TMPRSS13: variants seen among roughly 807,000 people sequenced by gnomAD.
The protein encoded by TMPRSS13 is transmembrane protease serine 13.
In TMPRSS13, 50 loss-of-function variants were observed where a neutral mutation model predicts 68.4. The ratio of observed to expected loss-of-function variants is 0.73; its 90% confidence interval spans 0.58 to 0.93. The LOEUF is 0.93. Among genes scored for constraint, TMPRSS13 ranks in the 40% least tolerant of loss-of-function variants. The pLI is 0.00. For synonymous variants in TMPRSS13, 267 were observed against 285.8 expected (o/e 0.93, Z 0.66); for missense variants, 615 against 729.2 (o/e 0.84, Z 1.80).
chr11:117,918,174 T>C (rs1218475459), intron 2 of TMPRSS13, among the ~76,000 whole-genome samples: 1 of 152,130 alleles, frequency 6.6e-6, no homozygotes, highest in Admixed American at 6.5e-5. Flanking sequence ...AGCTGCTTTG[T>C]TAGTCCTGGC....
intron 11 of TMPRSS13, 23 bp downstream of exon 11, chr11:117,903,936 G>A: frequency 6.2e-7 from 1 of 1,608,052 alleles, no homozygotes. Flanking sequence ...TGGGACCTGA[G>A]CCCCACCCAC....
intron 7 of TMPRSS13, 165 bp downstream of exon 7, chr11:117,910,542 G>A: frequency 3.4e-6 from 2 of 596,792 alleles, no homozygotes; most frequent in South Asian, 2.6e-5. Context: ...TACCCTGGGT[G>A]TACCGGTGCC....
intron 3 of TMPRSS13, among the ~76,000 whole-genome samples, chr11:117,916,592 T>C (rs2134904184): frequency 6.6e-6 from 1 of 152,364 alleles, no homozygotes. Context: ...ATAGTGGACC[T>C]CTGAGCAGAG....
chr11:117,905,697 G>T lies in TMPRSS13; in HGVS notation c.1322C>A (p.Thr441Asn), dbSNP rs747411879. The T allele has an allele frequency of 1.0e-5, 16 of 1,606,010 alleles. No homozygotes were observed. Among genetic ancestry groups the T allele is most frequent in the Middle Eastern group, 1.6e-4 (1 of 6,066 alleles). ...HPACLPMHGQ[T>N]FSLNETCWIT... ...CCAGCAGGTCTCATTGAGGCTAAAGGTCTGTCCATGCATGGGGAGGCAAGC... is the reference window on the plus strand; with the variant it reads ...CCAGCAGGTCTCATTGAGGCTAAAGTTCTGTCCATGCATGGGGAGGCAAGC... Residue 441 changes from threonine (T) to asparagine (N), a missense_variant, in exon 10 of 13, where the codon ACC becomes AAC. Transcript: ENST00000524993.
intron 1 of TMPRSS13, among the ~76,000 whole-genome samples, chr11:117,925,504 A>G (rs1162553005): frequency 6.6e-6 from 1 of 152,200 alleles, no homozygotes. Context: ...TGCTGCCTCA[A>G]TGTTTCCCTG....
chr11:117,914,650 G>A lies in TMPRSS13; in HGVS notation c.557-136C>T. ...ACTCTGGGGCTCTCATCCCCCATCT[G>A]TATGGAGAGAAAGGCTGCTCAGGAA... On this transcript the variant is annotated intron_variant, in intron 3 of 12. Transcript: ENST00000524993. This position sits in a 1 kb window ranked among gnomAD's most constrained non-coding sequence, Gnocchi z 4.2. 1 of 1,466,462 alleles carries A rather than the reference G, an allele frequency of 6.8e-7. No individual in the cohort carries two copies. The highest frequency in any genetic ancestry group is 1.3e-5 in the South Asian group (1 of 75,726). 90.8% of individuals were successfully genotyped at this position (1,466,462 alleles called of 1,614,324 possible). A position where few individuals can be genotyped will look rare whatever the true frequency, so the allele number is the denominator to read the frequency against.
chr11:117,910,058 G>C, intron 7 of TMPRSS13, 90 bp from the exon 8 acceptor site: 1 of 1,515,500 alleles, frequency 6.6e-7, no homozygotes, highest in Admixed American at 1.8e-5. Flanking sequence ...TGTGCTCCCA[G>C]GGCCAGGACA....
chr11:117,901,992 T>C lies in TMPRSS13; in HGVS notation c.*247A>G, dbSNP rs1329395005. The C allele has an allele frequency of 8.6e-6, 5 of 583,358 alleles. No individual in the cohort carries two copies. The highest frequency in any genetic ancestry group is 8.4e-5 in the Admixed American group (3 of 35,660). The allele number at this position is 583,358 out of a possible 1,614,324, so 36.1% of individuals were successfully genotyped here. ...GTACTCAACTCTTGTCTCCAGGTAA[T>C]TTCCAGCCTGGGATTTTGAGAAGAG... On this transcript the variant is annotated 3_prime_UTR_variant, in exon 13 of 13. Coordinates refer to ENST00000524993, the MANE Select transcript of TMPRSS13 (RefSeq NM_001077263.3).
Position 117,922,381 on chromosome 11 carries a change from C to G in TMPRSS13, c.22-3543G>C, listed in dbSNP as rs376627281. Among the ~76,000 whole-genome samples, 1 of 152,174 alleles carries G rather than the reference C, an allele frequency of 6.6e-6. No individual in the cohort carries two copies. The highest frequency in any genetic ancestry group is 1.5e-5 in the Non-Finnish European group (1 of 68,038). On this transcript the variant is annotated intron_variant, in intron 1 of 12. Transcript: ENST00000524993. This position sits in a 1 kb window ranked among gnomAD's most constrained non-coding sequence, Gnocchi z 4.2. The stretch of plus-strand genomic sequence containing the variant: ...TCCTGAGTACCTGGGACTACAGGCA[C>G]GCGCCACTGTGCCCAGCTAATTTTT...
chr11:117,903,569 G>T, intron 12 of TMPRSS13, 86 bp downstream of exon 12: 1 of 1,600,890 alleles, frequency 6.2e-7, no homozygotes. Flanking sequence ...GGGGACCTCT[G>T]CCTACAACCT....
At chr11:117,923,024 G>A (rs920556057) in intron 1 of TMPRSS13, among the ~76,000 whole-genome samples, 1 of 152,204 alleles carries the variant, frequency 6.6e-6, no homozygotes, top group African/African-American at 2.4e-5. Context: ...GCAGGAAAGC[G>A]GTAAGGGACA....
intron 1 of TMPRSS13, among the ~76,000 whole-genome samples, chr11:117,920,425 G>C (rs901202697): frequency 6.6e-6 from 1 of 151,954 alleles, no homozygotes; most frequent in Non-Finnish European, 1.5e-5. Flanking sequence ...TGAAACCTCC[G>C]CCTCCCAGGT....
chr11:117,921,696 TG>T (rs1286088180), intron 1 of TMPRSS13, among the ~76,000 whole-genome samples: 3 of 152,174 alleles, frequency 2.0e-5, no homozygotes, highest in Non-Finnish European at 4.4e-5. Context: ...CTGCAGGCCC[TG>T]GGTCTGGGGG....
chr11:117,904,504 G>T (rs576710053), intron 10 of TMPRSS13, among the ~76,000 whole-genome samples: 1 of 152,228 alleles, frequency 6.6e-6, no homozygotes, highest in Admixed American at 6.5e-5. Context: ...GGGAGGCCTG[G>T]TGCTGGAGAA....
At position 117,902,072 on chromosome 11, in the gene TMPRSS13, G is replaced by GCACA. The variant is rs3839950; in HGVS notation, c.*163_*166dup. 4,085 of 646,996 alleles carry GCACA rather than the reference G, an allele frequency of 6.3e-3. 39 individuals are homozygous for GCACA. The highest frequency in any genetic ancestry group is 0.036 in the African/African-American group (1,950 of 53,982). The allele number at this position is 646,996 out of a possible 1,614,324, so 40.1% of individuals were successfully genotyped here. On this transcript the variant is annotated 3_prime_UTR_variant, in exon 13 of 13. Coordinates refer to ENST00000524993, the MANE Select transcript of TMPRSS13 (RefSeq NM_001077263.3). ...TGGGAGAGTGGCAATGCACACATAT[G>GCACA]CACACACACACACACACACACACAC...
chr11:117,920,419 A>G (rs540134029), intron 1 of TMPRSS13, among the ~76,000 whole-genome samples: 6 of 151,698 alleles, frequency 4.0e-5, no homozygotes, highest in Non-Finnish European at 8.8e-5. Flanking sequence ...GCTCACTGAA[A>G]CCTCCGCCTC....
At chr11:117,926,278 C>T (rs892385497) in intron 1 of TMPRSS13, among the ~76,000 whole-genome samples, 1 of 147,766 alleles carries the variant, frequency 6.8e-6, no homozygotes, top group African/African-American at 2.5e-5. Context: ...GAGGTGAGGG[C>T]TACACACCTG....
chr11:117,918,658 G>C lies in TMPRSS13; in HGVS notation c.202C>G (p.Arg68Gly). Residue 68 changes from arginine (R) to glycine (G), a missense_variant, in exon 2 of 13, where the codon CGG becomes GGG. Coordinates refer to ENST00000524993, the MANE Select transcript of TMPRSS13 (RefSeq NM_001077263.3). ...GGAGATGCCCGGCCTGGAGATGCCC[G>C]GCCTGGAGGTGTACCAGCTGGAGAT... ...QASPAGTPPGRASPGRASPAQ... is the reference protein window; with the variant it reads ...QASPAGTPPGGASPGRASPAQ... The C allele has an allele frequency of 2.5e-6, 4 of 1,590,068 alleles. No individual in the cohort carries two copies. Among genetic ancestry groups the C allele is most frequent in the Non-Finnish European group, 2.6e-6 (3 of 1,168,194 alleles).
intron 2 of TMPRSS13, among the ~76,000 whole-genome samples, chr11:117,918,049 C>T (rs752189657): frequency 5.9e-5 from 9 of 152,136 alleles, no homozygotes; most frequent in Non-Finnish European, 5.9e-5. Flanking sequence ...CTGCAGACCC[C>T]AGCTTCTTAG....
Sources: gnomAD v4.1 joint callset for allele counts (sites outside exome capture counted in the v4.1 genomes callset) on GRCh38, gnomAD v4.1.1 for gene constraint, Gnocchi (gnomAD v3.1) non-coding constraint, MANE v1.5 for transcripts, NCBI Gene and HGNC (gene_info 2026-07-23, HGNC 2026-07-21) for gene names.